Variants in PKIG observed in about 807,000 individuals in gnomAD.
The protein encoded by PKIG is protein kinase (cAMP-dependent, catalytic) inhibitor gamma.
A neutral mutation model predicts 6.8 loss-of-function variants in PKIG; 1 was observed. That is an observed-to-expected ratio of 0.15 (90% CI 0.05 to 0.69). The LOEUF (loss-of-function observed/expected upper bound fraction) is 0.69, where lower values mean the gene tolerates loss of function less well. Ranked by LOEUF, PKIG falls within the 30% of genes least tolerant of loss-of-function variation. PKIG has a pLI of 0.82. For synonymous variants in PKIG, 39 were observed against 43.0 expected, an observed-to-expected ratio of 0.91 and a Z score of 0.36; for missense variants, 77 against 104.0, an observed-to-expected ratio of 0.74 and a Z score of 1.13.
intron 1 of PKIG, among the ~76,000 whole-genome samples, chr20:44,560,834 C>T (rs547302300): frequency 7.2e-5 from 11 of 152,150 alleles, no homozygotes; most frequent in African/African-American, 1.9e-4. Context: ...GTTATCATCC[C>T]GGACATCAAA....
At chr20:44,574,562 T>TTTTTTG (rs60335742) in intron 1 of PKIG, among the ~76,000 whole-genome samples, 100 of 151,570 alleles carry the variant, frequency 6.6e-4, no homozygotes, top group East Asian at 1.7e-3. Context: ...TCAGCATGTT[T>TTTTTTG]TTTTTGTTTT....
chr20:44,551,590 A>G (rs2064669183), intron 1 of PKIG, among the ~76,000 whole-genome samples: 1 of 152,176 alleles, frequency 6.6e-6, no homozygotes, highest in South Asian at 2.1e-4. Context: ...TCTACCTACT[A>G]AATGCCCATT....
intron 1 of PKIG, among the ~76,000 whole-genome samples, chr20:44,574,409 G>T (rs921934376): frequency 6.6e-6 from 1 of 151,912 alleles, no homozygotes; most frequent in African/African-American, 2.4e-5. Flanking sequence ...ATAGTATAAT[G>T]AATCCTCATG....
chr20:44,597,249 C>T (rs924738081), intron 2 of PKIG, among the ~76,000 whole-genome samples: 2 of 91,796 alleles, frequency 2.2e-5, no homozygotes, highest in South Asian at 7.7e-4. Context: ...TAATAATAAT[C>T]CCCCACCAGA....
chr20:44,610,765 A>G (rs2065211243), intron 2 of PKIG, among the ~76,000 whole-genome samples: 1 of 152,116 alleles, frequency 6.6e-6, no homozygotes, highest in Admixed American at 6.5e-5. Flanking sequence ...CCCCACAGGA[A>G]CTGGGTTTTA....
At chr20:44,576,840 T>C (rs939931466) in intron 1 of PKIG, among the ~76,000 whole-genome samples, 1 of 152,164 alleles carries the variant, frequency 6.6e-6, no homozygotes, top group Non-Finnish European at 1.5e-5. Flanking sequence ...CAGTGTGATA[T>C]CCTGCGAACC....
In PKIG at chr20:44,608,118, G is replaced by A. The variant is rs115211417; in HGVS notation, c.-23-6416G>A. Among the ~76,000 whole-genome samples the A allele has an allele frequency of 6.7e-3, 1,018 of 152,270 alleles. 13 individuals are homozygous for A. Among genetic ancestry groups the A allele is most frequent in the East Asian group, 0.027 (142 of 5,186 alleles). ...TTGCCTTGGGGAGGGTGTCTGGATC[G>A]GATGGGAAGGGAGACTAAGCTCTTA... On this transcript the variant is annotated intron_variant, in intron 2 of 3. Transcript: ENST00000372886.
intron 2 of PKIG, among the ~76,000 whole-genome samples, chr20:44,610,431 T>G (rs1460630984): frequency 6.6e-6 from 1 of 151,868 alleles, no homozygotes; most frequent in African/African-American, 2.4e-5. Flanking sequence ...GGCCTTGCCC[T>G]CCATACTGAT....
intron 1 of PKIG, among the ~76,000 whole-genome samples, chr20:44,576,541 G>A (rs1350794258): frequency 2.0e-5 from 3 of 152,188 alleles, no homozygotes; most frequent in Admixed American, 6.5e-5. Context: ...AGTAGCAAGT[G>A]AGAGTCTGAG....
chr20:44,547,175 G>A (rs1486951836), intron 1 of PKIG, among the ~76,000 whole-genome samples: 1 of 152,206 alleles, frequency 6.6e-6, no homozygotes, highest in Non-Finnish European at 1.5e-5. Context: ...GACATCTTCA[G>A]TAACACTTCC....
chr20:44,612,263 TC>T (rs1038008576), intron 2 of PKIG, among the ~76,000 whole-genome samples: 4 of 152,174 alleles, frequency 2.6e-5, no homozygotes, highest in African/African-American at 9.7e-5. Context: ...ATGCCTAACC[TC>T]CTGGTGGACA....
chr20:44,535,840 C>T (rs1254642605), intron 1 of PKIG, among the ~76,000 whole-genome samples: 1 of 152,126 alleles, frequency 6.6e-6, no homozygotes. Flanking sequence ...ACCATCTTAA[C>T]GATTTTTAAG....
At chr20:44,550,039 A>G (rs1001002302) in intron 1 of PKIG, among the ~76,000 whole-genome samples, 5 of 151,270 alleles carry the variant, frequency 3.3e-5, no homozygotes, top group Admixed American at 6.6e-5. Context: ...GGGGAATTTT[A>G]TCTAGCACCT....
At position 44,614,975 on chromosome 20, in the gene PKIG, C is replaced by T. The variant is rs1157833672; in HGVS notation, c.151+268C>T. ...CCAGGTCCCTCCACTTCTCGCTATC[C>T]CCACAGCTATACCTGGCTCTGGCCA... On this transcript the variant is annotated intron_variant, in intron 3 of 3. Coordinates refer to ENST00000372886, the MANE Select transcript of PKIG (RefSeq NM_001281445.2). The surrounding 1 kb of genome is among the most constrained non-coding windows in gnomAD (Gnocchi z 4.6). Among the ~76,000 whole-genome samples, 1 of 152,170 alleles carries T rather than the reference C, an allele frequency of 6.6e-6. No individual in the cohort carries two copies.
chr20:44,610,672 GT>G (rs2065210367), intron 2 of PKIG, among the ~76,000 whole-genome samples: 1 of 152,126 alleles, frequency 6.6e-6, no homozygotes, highest in Admixed American at 6.5e-5. Context: ...GAAAACGAAA[GT>G]TCCCCTTAAT....
In PKIG at chr20:44,618,525, G is replaced by C; in HGVS notation, c.*161G>C. Reference sequence around the variant, plus strand: ...AGAGGCCTCTGTGGCCTCCACTCCGGGAAAGCCCTCTGCCCACACCCACAG... The same window carrying C: ...AGAGGCCTCTGTGGCCTCCACTCCGCGAAAGCCCTCTGCCCACACCCACAG... On this transcript the variant is annotated 3_prime_UTR_variant, in exon 4 of 4. Transcript: ENST00000372886. The C allele has an allele frequency of 1.7e-6, 1 of 599,416 alleles. No individual in the cohort carries two copies. The highest frequency in any genetic ancestry group is 1.9e-5 in the South Asian group (1 of 53,802). The allele number at this position is 599,416 out of a possible 1,614,324, so 37.1% of individuals were successfully genotyped here. A position where few individuals can be genotyped will look rare whatever the true frequency, so the allele number is the denominator to read the frequency against.
intron 3 of PKIG, among the ~76,000 whole-genome samples, chr20:44,615,937 C>T (rs183171500): frequency 7.9e-5 from 12 of 152,252 alleles, no homozygotes; most frequent in African/African-American, 2.6e-4. Flanking sequence ...ACCCTGTCGA[C>T]GGAACCCCAC....
intron 2 of PKIG, among the ~76,000 whole-genome samples, chr20:44,606,253 T>C (rs563929519): frequency 1.3e-5 from 2 of 152,326 alleles, no homozygotes; most frequent in South Asian, 4.1e-4. Context: ...AGTGGGAAGA[T>C]GCTCAGGTTC....
intron 2 of PKIG, among the ~76,000 whole-genome samples, chr20:44,606,451 G>A (rs975649117): frequency 2.0e-5 from 3 of 152,176 alleles, no homozygotes; most frequent in Non-Finnish European, 2.9e-5. Context: ...AAGAGGTAGG[G>A]CCTTTAAGAG....
Sources: gnomAD v4.1 joint callset for allele counts (sites outside exome capture counted in the v4.1 genomes callset) on GRCh38, gnomAD v4.1.1 for gene constraint, Gnocchi (gnomAD v3.1) non-coding constraint, MANE v1.5 for transcripts, NCBI Gene and HGNC (gene_info 2026-07-23, HGNC 2026-07-21) for gene names.